The following TTC39B variants were observed in gnomAD, a reference collection of about 807,000 sequenced individuals.
TTC39B encodes tetratricopeptide repeat domain 39B.
TTC39B carries 92 observed loss-of-function variants against 96.6 expected under a neutral mutation model. The observed-to-expected ratio is 0.95, with a 90% CI of 0.80 to 1.13. TTC39B has a LOEUF of 1.13. Among genes scored for constraint, TTC39B ranks in the 50% most tolerant of loss-of-function variants. TTC39B has a pLI of 0.00. For synonymous variants in TTC39B, 367 were observed against 299.4 expected, an observed-to-expected ratio of 1.23 and a Z score of -2.33; for missense variants, 955 against 809.3, an observed-to-expected ratio of 1.18 and a Z score of -2.18.
chr9:15,182,350 C>G, exon 17 of TTC39B: 1 of 1,612,290 alleles, frequency 6.2e-7, no homozygotes, highest in Non-Finnish European at 8.5e-7. Context: ...CAGTTACTAA[C>G]AGATTTTCAG....
chr9:15,290,460 T>C (rs955299981), intron 1 of TTC39B, among the ~76,000 whole-genome samples: 1 of 152,174 alleles, frequency 6.6e-6, no homozygotes, highest in African/African-American at 2.4e-5. Context: ...CCAGAATCTT[T>C]ACCATAAAAC....
At chr9:15,297,245 C>T (rs984344534) in intron 1 of TTC39B, among the ~76,000 whole-genome samples, 1 of 152,184 alleles carries the variant, frequency 6.6e-6, no homozygotes, top group Non-Finnish European at 1.5e-5. Flanking sequence ...GCTGAAATTC[C>T]ACCTCATGAA....
At chr9:15,286,169 A>ATT (rs1823969341) in intron 1 of TTC39B, among the ~76,000 whole-genome samples, 1 of 152,212 alleles carries the variant, frequency 6.6e-6, no homozygotes, top group African/African-American at 2.4e-5. Context: ...CCACAATCCA[A>ATT]TTCTGTCAAC....
At chr9:15,305,147 G>C (rs951443930) in intron 1 of TTC39B, among the ~76,000 whole-genome samples, 5 of 152,118 alleles carry the variant, frequency 3.3e-5, no homozygotes, top group African/African-American at 9.7e-5. Flanking sequence ...GCCCATTTAC[G>C]GTAAGGGACT....
At chr9:15,275,817 A>C (rs536437174) in intron 1 of TTC39B, among the ~76,000 whole-genome samples, 256 of 152,334 alleles carry the variant, frequency 1.7e-3, no homozygotes, top group African/African-American at 5.9e-3. Context: ...GGAGCAGAGG[A>C]GAAACGGAAA....
At chr9:15,218,686 T>C (rs1041029956) in intron 3 of TTC39B, among the ~76,000 whole-genome samples, 1 of 151,474 alleles carries the variant, frequency 6.6e-6, no homozygotes, top group African/African-American at 2.4e-5. Flanking sequence ...AACTATACTA[T>C]ATCATTATCA....
chr9:15,303,467 C>G (rs1203532775), intron 1 of TTC39B, among the ~76,000 whole-genome samples: 1 of 151,282 alleles, frequency 6.6e-6, no homozygotes, highest in African/African-American at 2.4e-5. Context: ...ACCTCCTAGG[C>G]TCAAGTGATC....
At chr9:15,271,101 A>G (rs1823334384) in intron 1 of TTC39B, among the ~76,000 whole-genome samples, 1 of 152,074 alleles carries the variant, frequency 6.6e-6, no homozygotes, top group Non-Finnish European at 1.5e-5. Flanking sequence ...TGTCAATACA[A>G]ACTATCTAAA....
chr9:15,306,347 G>T lies in TTC39B; in HGVS notation c.240+737C>A, dbSNP rs1377177322. 6.6e-6 allele frequency among the ~76,000 whole-genome samples: 1 copy of T among 152,206 alleles called. No homozygotes were observed. Among genetic ancestry groups the T allele is most frequent in the Non-Finnish European group, 1.5e-5 (1 of 68,034 alleles). On this transcript the variant is annotated intron_variant, in intron 1 of 19. Transcript: ENST00000512701. This position sits in a 1 kb window ranked among gnomAD's most constrained non-coding sequence, Gnocchi z 5.1. ...GGGTGCTCAGGCCCGGGCGCGCCAC[G>T]ACTGAAGGAGTGGCTAATTACTCAA...
At chr9:15,181,764 G>C (rs1818260320) in intron 17 of TTC39B, among the ~76,000 whole-genome samples, 1 of 152,232 alleles carries the variant, frequency 6.6e-6, no homozygotes, top group African/African-American at 2.4e-5. Flanking sequence ...ACGTTTCCTT[G>C]TGCTGCGCTA....
At chr9:15,266,556 A>T (rs1209374052) in intron 2 of TTC39B, among the ~76,000 whole-genome samples, 1 of 152,206 alleles carries the variant, frequency 6.6e-6, no homozygotes, top group Non-Finnish European at 1.5e-5. Context: ...TGATAATGTG[A>T]CAGTTTAAAC....
intron 4 of TTC39B, among the ~76,000 whole-genome samples, chr9:15,213,929 T>C (rs1180387589): frequency 1.3e-5 from 2 of 152,166 alleles, no homozygotes; most frequent in African/African-American, 4.8e-5. Flanking sequence ...GATTAAAATA[T>C]GCAAAACAAT....
intron 1 of TTC39B, among the ~76,000 whole-genome samples, chr9:15,292,202 A>G (rs1259659890): frequency 6.6e-6 from 1 of 152,226 alleles, no homozygotes; most frequent in Non-Finnish European, 1.5e-5. Flanking sequence ...CAAGGCAGCC[A>G]GGAATGCTAA....
At chr9:15,275,582 C>A (rs1013367091) in intron 1 of TTC39B, among the ~76,000 whole-genome samples, 2 of 152,162 alleles carry the variant, frequency 1.3e-5, no homozygotes, top group African/African-American at 4.8e-5. Flanking sequence ...TTAAGGAAGT[C>A]TTCTGGGAGA....
At position 15,281,625 on chromosome 9, in the gene TTC39B, CAAAAAAA is replaced by C. The variant is rs1161175672; in HGVS notation, c.241-13684_241-13678del. Among the ~76,000 whole-genome samples the C allele has an allele frequency of 1.8e-3, 90 of 49,004 alleles. 1 individual carries two copies. The highest frequency in any genetic ancestry group is 2.6e-3 in the Non-Finnish European group (73 of 27,720). 32.1% of individuals were successfully genotyped at this position (49,004 alleles called of 152,430 possible). ...CCTACCAACATCCCCCCTGCAACAG[CAAAAAAA>C]AAAAAAAAAAAAAAAAAATGGCAAA... is the stretch of plus-strand genomic sequence containing the variant. On this transcript the variant is annotated intron_variant, in intron 1 of 19. Coordinates refer to ENST00000512701, the Ensembl canonical transcript of TTC39B.
chr9:15,208,564 C>T (rs537972619), intron 6 of TTC39B, among the ~76,000 whole-genome samples: 20 of 152,214 alleles, frequency 1.3e-4, no homozygotes, highest in Middle Eastern at 3.4e-3. Context: ...TTAGGTCTAA[C>T]GGGACTAATT....
At chr9:15,238,413 A>C (rs1821886105) in intron 2 of TTC39B, among the ~76,000 whole-genome samples, 1 of 152,098 alleles carries the variant, frequency 6.6e-6, no homozygotes, top group South Asian at 2.1e-4. Flanking sequence ...CCTCCAAAAG[A>C]CTCCTAGATT....
intron 2 of TTC39B, among the ~76,000 whole-genome samples, chr9:15,264,874 T>C (rs896848021): frequency 6.6e-6 from 1 of 151,972 alleles, no homozygotes; most frequent in Non-Finnish European, 1.5e-5. Context: ...AGGAGTCATT[T>C]TGGATGATGT....
At chr9:15,211,615 A>G (rs1820206553) in intron 4 of TTC39B, among the ~76,000 whole-genome samples, 1 of 152,198 alleles carries the variant, frequency 6.6e-6, no homozygotes, top group Non-Finnish European at 1.5e-5. Context: ...TTCCAGGTTG[A>G]AGGGGACAAT....
Sources: gnomAD v4.1 joint callset for allele counts (sites outside exome capture counted in the v4.1 genomes callset) on GRCh38, gnomAD v4.1.1 for gene constraint, Gnocchi (gnomAD v3.1) non-coding constraint, MANE v1.5 for transcripts, NCBI Gene and HGNC (gene_info 2026-07-23, HGNC 2026-07-21) for gene names.